Variants in SNAP91 observed in about 807,000 individuals in gnomAD.
The protein encoded by SNAP91 is clathrin coat assembly protein AP180.
Under a neutral mutation model 100.3 loss-of-function variants are expected in SNAP91, and 27 were observed. The ratio of observed to expected loss-of-function variants is 0.27; its 90% CI spans 0.20 to 0.37. The LOEUF (loss-of-function observed/expected upper bound fraction) is 0.37. Ranked by LOEUF, SNAP91 falls within the 10% of genes least tolerant of loss-of-function variation. The pLI, the probability that SNAP91 is intolerant of heterozygous loss-of-function variation, is 1.00. For synonymous variants in SNAP91, 404 were observed against 398.6 expected (o/e 1.01, Z -0.16); for missense variants, 986 against 1,123.7 (o/e 0.88, Z 1.75).
intron 24 of SNAP91, among the ~76,000 whole-genome samples, chr6:83,579,748 T>C (rs952827232): frequency 6.6e-6 from 1 of 152,186 alleles, no homozygotes; most frequent in Non-Finnish European, 1.5e-5. Context: ...TTCATTTTCC[T>C]GCAGATGTCC....
At chr6:83,557,719 G>A (rs1780867028) in intron 28 of SNAP91, among the ~76,000 whole-genome samples, 1 of 151,662 alleles carries the variant, frequency 6.6e-6, no homozygotes, top group Non-Finnish European at 1.5e-5. Context: ...AAAAACCTGG[G>A]ATCTGTTTCA....
chr6:83,622,853 A>G (rs994717256), intron 9 of SNAP91, among the ~76,000 whole-genome samples: 6 of 152,110 alleles, frequency 3.9e-5, no homozygotes, highest in Admixed American at 2.6e-4. Flanking sequence ...GGAGACAAGT[A>G]GTTCAACTGT....
chr6:83,699,068 T>G (rs2099259097), intron 2 of SNAP91, among the ~76,000 whole-genome samples: 2 of 152,154 alleles, frequency 1.3e-5, no homozygotes, highest in African/African-American at 2.4e-5. Flanking sequence ...TCAGGTGCTC[T>G]CAGAATGGCA....
chr6:83,667,535 A>T (rs138086334), intron 2 of SNAP91, among the ~76,000 whole-genome samples: 4,010 of 152,052 alleles, frequency 0.026, 175 homozygotes, highest in African/African-American at 0.089. Context: ...CCCTAAAAGT[A>T]TTATTTGTAT....
At chr6:83,590,142 T>G (rs1197608914) in intron 22 of SNAP91, among the ~76,000 whole-genome samples, 1 of 152,144 alleles carries the variant, frequency 6.6e-6, no homozygotes, top group African/African-American at 2.4e-5. Flanking sequence ...AAGCTGCATC[T>G]GAGTGACTGA....
chr6:83,682,208 C>T (rs1360133380), intron 2 of SNAP91, among the ~76,000 whole-genome samples: 1 of 137,024 alleles, frequency 7.3e-6, no homozygotes, highest in Non-Finnish European at 1.5e-5. Flanking sequence ...GACAGGGTCT[C>T]GCTCTGTTGT....
intron 8 of SNAP91, among the ~76,000 whole-genome samples, chr6:83,630,351 T>C (rs2097156198): frequency 6.6e-6 from 1 of 152,110 alleles, no homozygotes; most frequent in Non-Finnish European, 1.5e-5. Context: ...ATTAGGGTGA[T>C]ACTGGGCTAA....
chr6:83,565,178 A>C (rs989586143), intron 26 of SNAP91, among the ~76,000 whole-genome samples: 2 of 152,012 alleles, frequency 1.3e-5, no homozygotes, highest in African/African-American at 4.8e-5. Context: ...AACTGAAAAG[A>C]AGCCTTTTCA....
intron 11 of SNAP91, among the ~76,000 whole-genome samples, chr6:83,613,351 T>C (rs929593053): frequency 2.0e-5 from 3 of 152,244 alleles, no homozygotes; most frequent in African/African-American, 7.2e-5. Flanking sequence ...ATTTTTATAT[T>C]AGAATATGTT....
At chr6:83,676,598 G>A (rs2098905941) in intron 2 of SNAP91, among the ~76,000 whole-genome samples, 2 of 152,186 alleles carry the variant, frequency 1.3e-5, no homozygotes, top group Non-Finnish European at 2.9e-5. Context: ...CGGAGTGGTG[G>A]ACAGAGAACT....
chr6:83,605,028 A>T (rs2095522448), intron 14 of SNAP91, among the ~76,000 whole-genome samples: 1 of 152,150 alleles, frequency 6.6e-6, no homozygotes, highest in Admixed American at 6.5e-5. Flanking sequence ...AGCATTATGA[A>T]GCAATTACTT....
Position 83,560,966 on chromosome 6 carries a change from A to T in SNAP91, c.2443-19T>A, listed in dbSNP as rs2127838428. 1 of 1,544,696 alleles carries T rather than the reference A, an allele frequency of 6.5e-7. No individual in the cohort carries two copies. The highest frequency in any genetic ancestry group is 2.1e-5 in the Admixed American group (1 of 48,684). ...CTCCTTGCTACACAGATAGACAGAC[A>T]TACACATATAAATAACACAAAAACA... On this transcript the variant is annotated intron_variant, in intron 26 of 29. Coordinates refer to ENST00000369694, the MANE Select transcript of SNAP91 (RefSeq NM_001242792.2).
rs1823376981 is a variant in SNAP91 at position 83,578,623 on chromosome 6, A to G, written c.2299+1827T>C. Among the ~76,000 whole-genome samples, 4 of 152,186 alleles carry G rather than the reference A, an allele frequency of 2.6e-5. 1 individual carries two copies. The highest frequency in any genetic ancestry group is 4.1e-4 in the South Asian group (2 of 4,828). On this transcript the variant is annotated intron_variant, in intron 24 of 29. Coordinates refer to ENST00000369694, the MANE Select transcript of SNAP91 (RefSeq NM_001242792.2). ...TGAATTGTTAGAGTTCTTTATTCTGAGTACAAGTCTCTTATCTGATAAATG... is the reference window on the plus strand; with the variant it reads ...TGAATTGTTAGAGTTCTTTATTCTGGGTACAAGTCTCTTATCTGATAAATG...
chr6:83,647,078 G>GTT (rs34565370), intron 7 of SNAP91, among the ~76,000 whole-genome samples: 4,089 of 145,912 alleles, frequency 0.028, 102 homozygotes, highest in African/African-American at 0.07. Context: ...AGTTCCAGGA[G>GTT]TTTTTTTTTT....
At chr6:83,560,559 C>A (rs1279465908) in intron 27 of SNAP91, among the ~76,000 whole-genome samples, 1 of 151,954 alleles carries the variant, frequency 6.6e-6, no homozygotes, top group Non-Finnish European at 1.5e-5. Context: ...AGTAAAAAGT[C>A]CTAGTATAAT....
chr6:83,587,256 CA>C (rs1292084574), intron 22 of SNAP91, among the ~76,000 whole-genome samples: 1 of 152,058 alleles, frequency 6.6e-6, no homozygotes, highest in East Asian at 1.9e-4. Flanking sequence ...TGTATTCACT[CA>C]AAAAAATCTA....
At chr6:83,591,557 G>T (rs1414709022) in intron 21 of SNAP91, among the ~76,000 whole-genome samples, 1 of 151,956 alleles carries the variant, frequency 6.6e-6, no homozygotes, top group South Asian at 2.1e-4. Flanking sequence ...AAAATTTTTG[G>T]ACTAAACCTT....
At chr6:83,614,746 G>A in intron 11 of SNAP91, 111 bp downstream of exon 11, 1 of 755,994 alleles carries the variant, frequency 1.3e-6, no homozygotes, top group Non-Finnish European at 2.1e-6. Context: ...TGTGTAAAAG[G>A]GACAGAAATC....
chr6:83,607,857 G>C, intron 12 of SNAP91, 49 bp from the exon 13 acceptor site: 1 of 1,162,482 alleles, frequency 8.6e-7, no homozygotes, highest in Non-Finnish European at 1.2e-6. Context: ...GAATCTACAG[G>C]ACACAGGGCA....
Sources: allele counts gnomAD v4.1 joint callset (sites outside exome capture counted in the v4.1 genomes callset), GRCh38; gene constraint gnomAD v4.1.1; transcripts MANE v1.5; gene names NCBI Gene and HGNC (gene_info 2026-07-23, HGNC 2026-07-21).